The following NTN3 variants were observed in gnomAD, a reference collection of about 807,000 sequenced individuals.
NTN3 encodes the protein netrin-3.
Under a neutral mutation model 37.2 loss-of-function variants are expected in NTN3, and 44 were observed. That is an observed-to-expected ratio of 1.18 (90% CI 0.93 to 1.52). The LOEUF (loss-of-function observed/expected upper bound fraction) is 1.52. Among genes scored for constraint, NTN3 ranks in the 40% most tolerant of loss-of-function variants. The pLI is 0.00. For synonymous variants in NTN3, 385 were observed against 376.0 expected (o/e 1.02, Z -0.28); for missense variants, 882 against 857.3 (o/e 1.03, Z -0.36).
rs1391029514 is a variant in NTN3 at position 2,472,763 on chromosome 16, G to A, written c.991G>A (p.Gly331Ser). ...RFNMELYRLS[G>S]RRSGGVCLNC... is the part of the protein sequence containing the mutation. ...CAACATGGAGCTGTACCGACTGTCC[G>A]GCCGCCGCAGCGGGGGTGTCTGTCT... The change falls in exon 2 of 6, where the codon GGC becomes AGC. Residue 331 changes from glycine (G) to serine (S), a missense_variant. Physicochemically the swap from Gly to Ser is moderately conservative, Grantham distance 56 (BLOSUM62 0). Coordinates refer to ENST00000293973, the MANE Select transcript of NTN3 (RefSeq NM_006181.3). 5.6e-6 allele frequency: 9 copies of A among 1,608,276 alleles called. No homozygotes were observed. Among genetic ancestry groups the A allele is most frequent in the Middle Eastern group, 1.6e-4 (1 of 6,076 alleles).
rs1207656190 is a variant in NTN3, at chr16:2,471,992, C to G, written c.291C>G (p.Ser97=). ...TASPLCWRSE[S]LPRAPLNVTL... ...GCCCTCTGTGCTGGCGCTCGGAGTC[C>G]CTGCCTCGGGCGCCCCTCAACGTGA... is the stretch of plus-strand genomic sequence containing the variant. The change falls in exon 1 of 6, where the codon TCC becomes TCG. Residue 97 remains serine, a synonymous_variant. Coordinates refer to ENST00000293973, the MANE Select transcript of NTN3 (RefSeq NM_006181.3). The G allele has an allele frequency of 6.2e-7, 1 of 1,601,616 alleles. No individual in the cohort carries two copies. The highest frequency in any genetic ancestry group is 1.3e-5 in the African/African-American group (1 of 74,896).
chr16:2,471,731 G>A lies in NTN3; in HGVS notation c.30G>A (p.Leu10=). The change falls in exon 1 of 6, where the codon CTG becomes CTA. Residue 10 remains leucine, a synonymous_variant. Coordinates refer to ENST00000293973, the MANE Select transcript of NTN3 (RefSeq NM_006181.3). MPGWPWGLL[L]TAGTLFAALS... is the part of the protein sequence containing the mutation. ...CTGGCTGGCCCTGGGGGCTGCTGCT[G>A]ACGGCAGGCACGCTCTTCGCCGCCC... 6 of 1,377,180 alleles carry A rather than the reference G, an allele frequency of 4.4e-6. No individual in the cohort carries two copies. Among genetic ancestry groups the A allele is most frequent in the Non-Finnish European group, 5.6e-6 (6 of 1,072,386 alleles). The allele number at this position is 1,377,180 out of a possible 1,614,324, so 85.3% of individuals were successfully genotyped here.
rs2141846020 is a variant in NTN3 at position 2,473,685 on chromosome 16, CT to C, written c.1394-70del. The C allele has an allele frequency of 7.4e-6, 10 of 1,348,502 alleles. No homozygotes were observed. The South Asian group carries it at 1.5e-4, about 20-fold the overall frequency. 83.5% of individuals were successfully genotyped at this position (1,348,502 alleles called of 1,614,324 possible). On this transcript the variant is annotated intron_variant, in intron 5 of 5. Transcript: ENST00000293973. Reference sequence around the variant, plus strand: ...CAGCCCCCACTGCCCTCCTGGTGTCCTCCCCGTGCCTCCCCCTACCGCGGGC... The same window carrying C: ...CAGCCCCCACTGCCCTCCTGGTGTCCCCCCGTGCCTCCCCCTACCGCGGGC...
In NTN3 at chr16:2,473,334, A is replaced by G. The variant is rs2065534165; in HGVS notation, c.1318+16A>G. 6.2e-7 allele frequency: 1 copy of G among 1,612,744 alleles called. No individual in the cohort carries two copies. The highest frequency in any genetic ancestry group is 1.3e-5 in the African/African-American group (1 of 74,918). Reference sequence around the variant, plus strand: ...CAGCCCCAGGGTGAGTGGACACAGGACAGGGCCCCAGACTGGCATGACTTT... The same window carrying G: ...CAGCCCCAGGGTGAGTGGACACAGGGCAGGGCCCCAGACTGGCATGACTTT... On this transcript the variant is annotated intron_variant, in intron 4 of 5. Coordinates refer to ENST00000293973, the MANE Select transcript of NTN3 (RefSeq NM_006181.3).
chr16:2,472,716 G>A lies in NTN3; in HGVS notation c.944G>A (p.Gly315Asp). 6.2e-7 allele frequency: 1 copy of A among 1,607,826 alleles called. No individual in the cohort carries two copies. The highest frequency in any genetic ancestry group is 8.5e-7 in the Non-Finnish European group (1 of 1,179,352). ...CTCCCTGCAGCTTGCTCCTGCAACG[G>A]CCATGCCCGCCGCTGCCGCTTCAAC... is the stretch of plus-strand genomic sequence containing the variant. The part of the protein sequence containing the change: ...SHACLACSCN[G>D]HARRCRFNME... The change falls in exon 2 of 6, where the codon GGC (glycine) becomes GAC (aspartate). Residue 315 changes from glycine (G) to aspartate (D), a missense_variant. Coordinates refer to ENST00000293973, the MANE Select transcript of NTN3 (RefSeq NM_006181.3).
At position 2,471,682 on chromosome 16, in the gene NTN3, G is replaced by A. The variant is rs2065521383; in HGVS notation, c.-20G>A. On this transcript the variant is annotated 5_prime_UTR_variant, in exon 1 of 6. Coordinates refer to ENST00000293973, the MANE Select transcript of NTN3 (RefSeq NM_006181.3). Reference sequence around the variant, plus strand: ...GCGTCTTGGGGCCCGGCCACTGGCTGACCCGCAGCGGCTCCGGCCATGCCT... The same window carrying A: ...GCGTCTTGGGGCCCGGCCACTGGCTAACCCGCAGCGGCTCCGGCCATGCCT... 4 of 1,315,058 alleles carry A rather than the reference G, an allele frequency of 3.0e-6. No homozygotes were observed. The highest frequency in any genetic ancestry group is 1.5e-5 in the African/African-American group (1 of 64,562). The allele number at this position is 1,315,058 out of a possible 1,614,324, so 81.5% of individuals were successfully genotyped here.
rs753638120 is a variant in NTN3 at position 2,472,122 on chromosome 16, G to A, written c.421G>A (p.Gly141Ser). 1.2e-6 allele frequency: 2 copies of A among 1,608,184 alleles called. No homozygotes were observed. The highest frequency in any genetic ancestry group is 1.7e-6 in the Non-Finnish European group (2 of 1,179,060). Residue 141 changes from glycine to serine, a missense_variant, in exon 1 of 6, where the codon GGC (glycine) becomes AGC (serine). Transcript: ENST00000293973. ...GGCCCTGCTCAAGTCTCAGGACCAT[G>A]GCCGCAGCTGGGCCCCGCTGGGCTT... ...SVALLKSQDHGRSWAPLGFFS... is the reference protein window; with the variant it reads ...SVALLKSQDHSRSWAPLGFFS...
rs1201179152 is a variant in NTN3 at position 2,471,785 on chromosome 16, C to G, written c.84C>G (p.Asp28Glu). 7.2e-7 allele frequency: 1 copy of G among 1,387,250 alleles called. No homozygotes were observed. Among genetic ancestry groups the G allele is most frequent in the Non-Finnish European group, 9.3e-7 (1 of 1,079,784 alleles). The allele number at this position is 1,387,250 out of a possible 1,614,324, so 85.9% of individuals were successfully genotyped here. The change falls in exon 1 of 6, where the codon GAC (aspartate) becomes GAG (glutamate). Residue 28 changes from aspartate to glutamate, a missense_variant. Coordinates refer to ENST00000293973, the MANE Select transcript of NTN3 (RefSeq NM_006181.3). ...ALSPGPPAPA[D>E]PCHDEGGAPR... Reference sequence around the variant, plus strand: ...GTCCTGGGCCGCCGGCGCCCGCCGACCCCTGCCACGATGAGGGGGGTGCGC... The same window carrying G: ...GTCCTGGGCCGCCGGCGCCCGCCGAGCCCTGCCACGATGAGGGGGGTGCGC...
chr16:2,473,157 A>G lies in NTN3; in HGVS notation c.1267+23A>G, dbSNP rs774294642. On this transcript the variant is annotated intron_variant, in intron 3 of 5. Coordinates refer to ENST00000293973, the MANE Select transcript of NTN3 (RefSeq NM_006181.3). ...TTAGTGAGTGACCCTGCCCCGCCTC[A>G]GCCACCAAGCCAAGGCCACCCCAGC... The G allele has an allele frequency of 1.5e-5, 24 of 1,592,418 alleles. No individual in the cohort carries two copies. In the South Asian group the frequency reaches 2.5e-4, roughly 16 times the overall value.
In NTN3 at chr16:2,471,483, G is replaced by A; in HGVS notation, c.-219G>A. 2.6e-6 allele frequency: 1 copy of A among 378,602 alleles called. No homozygotes were observed. The highest frequency in any genetic ancestry group is 4.6e-5 in the Admixed American group (1 of 21,936). 23.5% of individuals were successfully genotyped at this position (378,602 alleles called of 1,614,324 possible). On this transcript the variant is annotated 5_prime_UTR_variant, in exon 1 of 6. Transcript: ENST00000293973. ...GGGAGCGGGGGCGACGCCTGTCATC[G>A]CTCTAGGCCCAGCGGGAGGACGCGC...
At chr16:2,473,340 C>T (rs2141845663) in intron 4 of NTN3, 22 bp downstream of exon 4, 1 of 1,612,794 alleles carries the variant, frequency 6.2e-7, no homozygotes, top group Admixed American at 1.7e-5. Flanking sequence ...CAGGACAGGG[C>T]CCCAGACTGG....
In NTN3 at chr16:2,471,845, C is replaced by T. The variant is rs2065522557; in HGVS notation, c.144C>T (p.Ala48=). Residue 48 remains alanine (A), a synonymous_variant, in exon 1 of 6, where the codon GCC becomes GCT. Transcript: ENST00000293973. ...GCGTGCCAGGACTGGTGAACGCCGC[C>T]CTGGGCCGCGAGGTGCTGGCTTCCA... is the stretch of plus-strand genomic sequence containing the variant. ...RGCVPGLVNA[A]LGREVLASST... 6.9e-7 allele frequency: 1 copy of T among 1,439,220 alleles called. No homozygotes were observed. Among genetic ancestry groups the T allele is most frequent in the Non-Finnish European group, 9.1e-7 (1 of 1,097,144 alleles). The allele number at this position is 1,439,220 out of a possible 1,614,324, so 89.2% of individuals were successfully genotyped here.
Position 2,472,776 on chromosome 16 carries a change from G to T in NTN3, c.1004G>T (p.Gly335Val). ...TACCGACTGTCCGGCCGCCGCAGCG[G>T]GGGTGTCTGTCTCAACTGCCGGCAC... Reference protein sequence around the residue: ...ELYRLSGRRSGGVCLNCRHNT... With the variant: ...ELYRLSGRRSVGVCLNCRHNT... Residue 335 changes from glycine (G) to valine (V), a missense_variant, in exon 2 of 6, where the codon GGG becomes GTG. Gly to Val is a moderately radical substitution (Grantham distance 109, BLOSUM62 -3). Transcript: ENST00000293973. 1 of 1,608,434 alleles carries T rather than the reference G, an allele frequency of 6.2e-7. No homozygotes were observed.
chr16:2,471,979 G>A lies in NTN3; in HGVS notation c.278G>A (p.Trp93Ter). 1 of 1,597,916 alleles carries A rather than the reference G, an allele frequency of 6.3e-7. No individual in the cohort carries two copies. The highest frequency in any genetic ancestry group is 8.5e-7 in the Non-Finnish European group (1 of 1,177,780). ...SPGGTASPLC[W>*]RSESLPRAPL... ...GGGGGCACGGCCAGCCCTCTGTGCT[G>A]GCGCTCGGAGTCCCTGCCTCGGGCG... The change falls in exon 1 of 6, where the codon TGG becomes TAG. Residue 93 changes from tryptophan (W) to a stop codon, truncating the protein, a stop_gained. Coordinates refer to ENST00000293973, the MANE Select transcript of NTN3 (RefSeq NM_006181.3). LOFTEE classifies it high-confidence loss of function.
chr16:2,474,016 A>G lies in NTN3; in HGVS notation c.1654A>G (p.Ser552Gly), dbSNP rs1567401188. 19 of 1,193,064 alleles carry G rather than the reference A, an allele frequency of 1.6e-5. No individual in the cohort carries two copies. Among genetic ancestry groups the G allele is most frequent in the Non-Finnish European group, 1.9e-5 (18 of 963,102 alleles). 73.9% of individuals were successfully genotyped at this position (1,193,064 alleles called of 1,614,324 possible). Residue 552 changes from serine to glycine, a missense_variant, in exon 6 of 6, where the codon AGC (serine) becomes GGC (glycine). Physicochemically the swap from Ser to Gly is moderately conservative, Grantham distance 56. Coordinates refer to ENST00000293973, the MANE Select transcript of NTN3 (RefSeq NM_006181.3). ...GCCCGGGCTCATCGCCGCCCGCGGA[A>G]GCCTCGTGCTACCCTGGAGGGACGC... ...RGPGLIAARG[S>G]LVLPWRDAWT...
Position 2,471,889 on chromosome 16 carries a change from C to T in NTN3, c.188C>T (p.Ala63Val). 2 of 1,486,590 alleles carry T rather than the reference C, an allele frequency of 1.3e-6. No individual in the cohort carries two copies. The highest frequency in any genetic ancestry group is 2.0e-4 in the Middle Eastern group (1 of 4,906). 92.1% of individuals were successfully genotyped at this position (1,486,590 alleles called of 1,614,324 possible). ...GCTTCCAGCACGTGCGGGCGGCCGGCCACTCGGGCCTGCGACGCCTCCGAC... is the reference window on the plus strand; with the variant it reads ...GCTTCCAGCACGTGCGGGCGGCCGGTCACTCGGGCCTGCGACGCCTCCGAC... ...VLASSTCGRP[A>V]TRACDASDPR... Residue 63 changes from alanine (A) to valine (V), a missense_variant, in exon 1 of 6, where the codon GCC becomes GTC. Physicochemically the swap from Ala to Val is moderately conservative, Grantham distance 64 (BLOSUM62 0). Transcript: ENST00000293973.
chr16:2,473,231 C>T (rs374882018), intron 3 of NTN3, 37 bp from the exon 4 acceptor site: 46 of 1,608,862 alleles, frequency 2.9e-5, no homozygotes, highest in African/African-American at 2.7e-4. Flanking sequence ...ATCTCTCTGC[C>T]CCTCCATCGC....
rs1249194695 is a variant in NTN3 at position 2,473,951 on chromosome 16, G to A, written c.1589G>A (p.Gly530Asp). The change falls in exon 6 of 6, where the codon GGC becomes GAC. Residue 530 changes from glycine (G) to aspartate (D), a missense_variant. Coordinates refer to ENST00000293973, the MANE Select transcript of NTN3 (RefSeq NM_006181.3). ...GGCCGCCGCTACCTCCTGCTGGGGG[G>A]CGGGCCTGGAGCCGCGGCTGGGGGC... ...LPGRRYLLLG[G>D]GPGAAAGGAG... The A allele has an allele frequency of 2.6e-6, 3 of 1,172,392 alleles. No homozygotes were observed. The highest frequency in any genetic ancestry group is 4.6e-5 in the Admixed American group (1 of 21,562). 72.6% of individuals were successfully genotyped at this position (1,172,392 alleles called of 1,614,324 possible).
rs2065519633 is a variant in NTN3 at position 2,471,313 on chromosome 16, C to T, written c.-389C>T. 6.6e-6 allele frequency among the ~76,000 whole-genome samples: 1 copy of T among 151,980 alleles called. No individual in the cohort carries two copies. On this transcript the variant is annotated 5_prime_UTR_variant, in exon 1 of 6. Transcript: ENST00000293973. ...CCTCCTGGCACAGCTCGTCCGCCCT[C>T]GCTGCAGCCGGGAGGAGGCGGCGGC...
Sources: gnomAD v4.1 joint callset for allele counts (sites outside exome capture counted in the v4.1 genomes callset) on GRCh38, gnomAD v4.1.1 for gene constraint, MANE v1.5 for transcripts, NCBI Gene and HGNC (gene_info 2026-07-23, HGNC 2026-07-21) for gene names.